The following PDE4D variants were observed in gnomAD, a reference collection of about 807,000 sequenced individuals.
The protein encoded by PDE4D is phosphodiesterase 4D, also known as 3',5'-cyclic-AMP phosphodiesterase 4D.
A neutral mutation model predicts 87.4 loss-of-function variants in PDE4D; 24 were observed. The ratio of observed to expected loss-of-function variants is 0.27; its 90% CI spans 0.20 to 0.39. PDE4D has a LOEUF of 0.39. Among genes scored for constraint, PDE4D ranks in the 10% least tolerant of loss-of-function variants. The pLI, the probability that PDE4D is intolerant of heterozygous loss-of-function variation, is 1.00. For missense variants in PDE4D, 714 were observed against 1,041.0 expected, an observed-to-expected ratio of 0.69 and a Z score of 4.32; for synonymous variants, 384 against 383.2, an observed-to-expected ratio of 1.00 and a Z score of -0.02.
intron 2 of PDE4D, among the ~76,000 whole-genome samples, chr5:60,000,141 T>A (rs1043729341): frequency 6.6e-6 from 1 of 150,400 alleles, no homozygotes; most frequent in African/African-American, 2.5e-5. Flanking sequence ...GAGAAGGAGA[T>A]GATAGAAAGA....
chr5:60,349,770 G>T (rs1759030033), intron 1 of PDE4D, among the ~76,000 whole-genome samples: 1 of 152,054 alleles, frequency 6.6e-6, no homozygotes, highest in Non-Finnish European at 1.5e-5. Context: ...ATCTTTTTGA[G>T]GTTTTCGTGT....
intron 1 of PDE4D, among the ~76,000 whole-genome samples, chr5:60,419,550 T>A (rs928278942): frequency 9.2e-5 from 14 of 151,742 alleles, no homozygotes; most frequent in Non-Finnish European, 1.8e-4. Context: ...TTTTGCTACA[T>A]ATTCTTCTAT....
chr5:60,046,627 T>G (rs924203773), intron 2 of PDE4D, among the ~76,000 whole-genome samples: 1 of 152,212 alleles, frequency 6.6e-6, no homozygotes, highest in African/African-American at 2.4e-5. Context: ...GAGATAATCA[T>G]GTGGTTTTTG....
chr5:59,215,594 A>T, intron 2 of PDE4D, 183 bp downstream of exon 2: 22 of 541,694 alleles, frequency 4.1e-5, no homozygotes, highest in East Asian at 6.7e-5. Context: ...TGTGTTAATC[A>T]AGAGTGACAG....
chr5:59,559,201 G>C (rs1490025107), intron 1 of PDE4D, among the ~76,000 whole-genome samples: 1 of 152,112 alleles, frequency 6.6e-6, no homozygotes, highest in Non-Finnish European at 1.5e-5. Context: ...CACCTTATGA[G>C]ATTATTAAAT....
chr5:59,328,635 G>T (rs1776148107), intron 1 of PDE4D, among the ~76,000 whole-genome samples: 1 of 152,170 alleles, frequency 6.6e-6, no homozygotes, highest in South Asian at 2.1e-4. Flanking sequence ...CTCATGTAGT[G>T]CCTTGGTACA....
At chr5:60,465,693 T>C (rs1747297350) in intron 1 of PDE4D, among the ~76,000 whole-genome samples, 1 of 152,060 alleles carries the variant, frequency 6.6e-6, no homozygotes, top group African/African-American at 2.4e-5. Context: ...CCATTGTAAG[T>C]TGAAATATCA....
intron 5 of PDE4D, among the ~76,000 whole-genome samples, chr5:59,177,645 C>A (rs1455754586): frequency 6.6e-6 from 1 of 152,158 alleles, no homozygotes; most frequent in East Asian, 1.9e-4. Flanking sequence ...AGAGCAACCA[C>A]GTGGTATAAT....
At chr5:59,172,279 G>A (rs1783099916) in intron 5 of PDE4D, among the ~76,000 whole-genome samples, 1 of 122,314 alleles carries the variant, frequency 8.2e-6, no homozygotes, top group South Asian at 2.3e-4. Flanking sequence ...CAATTTATAA[G>A]AAATATATAT....
chr5:59,064,652 C>A (rs1356488669), intron 5 of PDE4D, among the ~76,000 whole-genome samples: 3 of 152,168 alleles, frequency 2.0e-5, no homozygotes, highest in Non-Finnish European at 4.4e-5. Context: ...CTCTATTAAA[C>A]CTCTCTAAAA....
At chr5:60,107,433 G>C (rs1777114302) in intron 2 of PDE4D, among the ~76,000 whole-genome samples, 1 of 152,260 alleles carries the variant, frequency 6.6e-6, no homozygotes, top group Non-Finnish European at 1.5e-5. Context: ...AGAGGTACAA[G>C]GAGGAGCTGC....
chr5:59,269,867 T>TA (rs1278657696), intron 1 of PDE4D, among the ~76,000 whole-genome samples: 12 of 152,104 alleles, frequency 7.9e-5, no homozygotes, highest in Admixed American at 6.6e-5. Context: ...ATTTCATTAA[T>TA]AAAAAATGTC....
At chr5:59,378,077 A>C (rs1785040955) in intron 1 of PDE4D, among the ~76,000 whole-genome samples, 1 of 152,232 alleles carries the variant, frequency 6.6e-6, no homozygotes, top group African/African-American at 2.4e-5. Context: ...TGGTGCATAC[A>C]CACCATGGAA....
Position 59,857,079 on chromosome 5 carries a change from C to T in PDE4D, c.455+36089G>A, listed in dbSNP as rs575267621. ...TCTGCCAGCTTCTAAATCTTATTCC[C>T]GAATTTAGATTCATGAAATGCCCCG... On this transcript the variant is annotated intron_variant, in intron 1 of 14. Coordinates refer to ENST00000340635, the MANE Select transcript of PDE4D (RefSeq NM_001104631.2). Among the ~76,000 whole-genome samples the T allele has an allele frequency of 3.3e-5, 5 of 152,196 alleles. No individual in the cohort carries two copies. In the East Asian group the frequency reaches 5.8e-4, roughly 18 times the overall value.
chr5:59,696,241 C>A (rs1192829739), intron 1 of PDE4D, among the ~76,000 whole-genome samples: 1 of 152,014 alleles, frequency 6.6e-6, no homozygotes, highest in Non-Finnish European at 1.5e-5. Flanking sequence ...AATGGTAAAG[C>A]CAGGATTCAA....
chr5:59,200,740 T>C (rs1450240899), intron 2 of PDE4D, among the ~76,000 whole-genome samples: 2 of 150,034 alleles, frequency 1.3e-5, no homozygotes, highest in African/African-American at 2.5e-5. Flanking sequence ...TGTATATATA[T>C]ACATACACAC....
At position 59,409,586 on chromosome 5, in the gene PDE4D, T is replaced by C. The variant is rs114073731; in HGVS notation, c.456-193618A>G. ...TGTGTGCTAACTCCCACAACCCCCT[T>C]ACTCCTGCTCTCACCATTTGAGACA... On this transcript the variant is annotated intron_variant, in intron 1 of 14. Transcript: ENST00000340635. 1.7e-3 allele frequency among the ~76,000 whole-genome samples: 262 copies of C among 152,212 alleles called. 2 individuals are homozygous for C. Among genetic ancestry groups the C allele is most frequent in the African/African-American group, 6.1e-3 (252 of 41,530 alleles).
intron 5 of PDE4D, among the ~76,000 whole-genome samples, chr5:59,052,486 C>T (rs1424301493): frequency 1.3e-5 from 2 of 151,988 alleles, no homozygotes; most frequent in Admixed American, 6.6e-5. Flanking sequence ...CACTGGTAGC[C>T]TAAGAGGATA....
intron 1 of PDE4D, among the ~76,000 whole-genome samples, chr5:60,401,327 T>A (rs1741063849): frequency 6.6e-6 from 1 of 152,158 alleles, no homozygotes; most frequent in African/African-American, 2.4e-5. Context: ...TATAAAGTCT[T>A]GAATATATAA....
Sources: gnomAD v4.1 joint callset for allele counts (sites outside exome capture counted in the v4.1 genomes callset) on GRCh38, gnomAD v4.1.1 for gene constraint, MANE v1.5 for transcripts, NCBI Gene and HGNC (gene_info 2026-07-23, HGNC 2026-07-21) for gene names.